The following PARD3B variants were observed in gnomAD, a reference collection of about 807,000 sequenced individuals.
PARD3B encodes the protein par-3 family cell polarity regulator beta, also known as partitioning defective 3 homolog B.
PARD3B carries 103 observed loss-of-function variants against 130.2 expected under a neutral mutation model. That is an observed-to-expected ratio of 0.79 (90% CI 0.67 to 0.93). PARD3B has a LOEUF of 0.93. Among genes scored for constraint, PARD3B ranks in the 40% least tolerant of loss-of-function variants. PARD3B has a pLI of 0.00. For missense variants in PARD3B, 1,609 were observed against 1,499.2 expected (o/e 1.07, Z -1.21); for synonymous variants, 583 against 553.2 (o/e 1.05, Z -0.76).
Position 205,133,226 on chromosome 2 carries a change from T to C in PARD3B, c.1434+7489T>C, listed in dbSNP as rs1049674937. Among the ~76,000 whole-genome samples the C allele has an allele frequency of 3.3e-5, 5 of 152,198 alleles. No individual in the cohort carries two copies. In the South Asian group the frequency reaches 6.2e-4, roughly 19 times the overall value. ...ACAATCTAGTTGTACAGTTTACTTGTAAAGACATATGAGAGCCATAAGTAT... is the reference window on the plus strand; with the variant it reads ...ACAATCTAGTTGTACAGTTTACTTGCAAAGACATATGAGAGCCATAAGTAT... On this transcript the variant is annotated intron_variant, in intron 10 of 22. Transcript: ENST00000406610.
intron 1 of PARD3B, among the ~76,000 whole-genome samples, chr2:204,663,466 T>C (rs1214590240): frequency 6.6e-6 from 1 of 152,244 alleles, no homozygotes; most frequent in African/African-American, 2.4e-5. Context: ...TCATACCTAT[T>C]GTACTGATTT....
rs1416668581 is a variant in PARD3B at position 205,402,836 on chromosome 2, T to C, written c.2741+1713T>C. ...TAAAACACATCTGATAGGGGTTTCC[T>C]AGAGACAACATTGTCTCAATCATGT... On this transcript the variant is annotated intron_variant, in intron 19 of 22. Coordinates refer to ENST00000406610, the MANE Select transcript of PARD3B (RefSeq NM_001302769.2). 3.3e-5 allele frequency among the ~76,000 whole-genome samples: 5 copies of C among 152,234 alleles called. No homozygotes were observed. In the South Asian group the frequency reaches 6.2e-4, roughly 19 times the overall value.
intron 22 of PARD3B, among the ~76,000 whole-genome samples, chr2:205,588,311 G>A (rs1559246193): frequency 6.6e-6 from 1 of 152,122 alleles, no homozygotes; most frequent in Non-Finnish European, 1.5e-5. Flanking sequence ...AATCATGATT[G>A]AGATGACATG....
rs73982517 is a variant in PARD3B at position 204,786,919 on chromosome 2, G to T, written c.222+100637G>T. Among the ~76,000 whole-genome samples the T allele has an allele frequency of 9.8e-3, 1,483 of 151,826 alleles. 26 individuals are homozygous for T. Among genetic ancestry groups the T allele is most frequent in the African/African-American group, 0.034 (1,413 of 41,376 alleles). On this transcript the variant is annotated intron_variant, in intron 2 of 22. Transcript: ENST00000406610. ...TAAAACTAAAAAGCATTTGCCAGTCGTACACTCTGGAATAATCGTGACTTA... is the reference window on the plus strand; with the variant it reads ...TAAAACTAAAAAGCATTTGCCAGTCTTACACTCTGGAATAATCGTGACTTA...
chr2:205,136,017 C>T (rs1481045047), intron 10 of PARD3B, among the ~76,000 whole-genome samples: 1 of 151,986 alleles, frequency 6.6e-6, no homozygotes, highest in Non-Finnish European at 1.5e-5. Flanking sequence ...AAAATCTGTC[C>T]CGGATGGCAG....
At chr2:205,327,269 A>AAGAT (rs1430887938) in intron 18 of PARD3B, among the ~76,000 whole-genome samples, 2 of 152,184 alleles carry the variant, frequency 1.3e-5, no homozygotes, top group Non-Finnish European at 2.9e-5. Context: ...CACCTTTATG[A>AAGAT]AGATATGGCT....
intron 2 of PARD3B, among the ~76,000 whole-genome samples, chr2:204,836,203 A>C (rs909264825): frequency 6.6e-6 from 1 of 152,198 alleles, no homozygotes; most frequent in Non-Finnish European, 1.5e-5. Flanking sequence ...TGCATTTATC[A>C]AGGGAGATAT....
intron 2 of PARD3B, among the ~76,000 whole-genome samples, chr2:204,807,200 T>C (rs1287029217): frequency 2.6e-5 from 4 of 152,120 alleles, no homozygotes; most frequent in Non-Finnish European, 4.4e-5. Flanking sequence ...TCCTGTGACA[T>C]GTGGGGATTA....
intron 3 of PARD3B, among the ~76,000 whole-genome samples, chr2:204,977,026 C>G (rs1692234698): frequency 6.6e-6 from 1 of 152,118 alleles, no homozygotes; most frequent in African/African-American, 2.4e-5. Flanking sequence ...TGTCTTATGC[C>G]TTCTCCTAAA....
rs530623542 is a variant in PARD3B at position 204,906,383 on chromosome 2, C to A, written c.223-58769C>A. ...AGTTAGAATGCTAAAGCCCATTTTC[C>A]CCCTTTGTTTTCTCTTTTCATTGGT... On this transcript the variant is annotated intron_variant, in intron 2 of 22. Coordinates refer to ENST00000406610, the MANE Select transcript of PARD3B (RefSeq NM_001302769.2). The surrounding 1 kb of genome is among the most constrained non-coding windows in gnomAD (Gnocchi z 4.3). Among the ~76,000 whole-genome samples, 4 of 152,092 alleles carry A rather than the reference C, an allele frequency of 2.6e-5. No homozygotes were observed. The highest frequency in any genetic ancestry group is 4.4e-5 in the Non-Finnish European group (3 of 67,962).
chr2:204,994,815 A>G (rs1490219443), intron 3 of PARD3B, among the ~76,000 whole-genome samples: 1 of 149,772 alleles, frequency 6.7e-6, no homozygotes, highest in Non-Finnish European at 1.5e-5. Flanking sequence ...TGTTGAATTG[A>G]TCCCTTTACC....
At chr2:204,811,467 A>G (rs2042959606) in intron 2 of PARD3B, among the ~76,000 whole-genome samples, 1 of 152,194 alleles carries the variant, frequency 6.6e-6, no homozygotes, top group South Asian at 2.1e-4. Flanking sequence ...AGTGAAAGAC[A>G]TAGAAGTTGA....
chr2:204,665,110 GT>G (rs529224250), intron 1 of PARD3B, among the ~76,000 whole-genome samples: 143 of 139,668 alleles, frequency 1.0e-3, no homozygotes, highest in African/African-American at 2.3e-3. Context: ...TCTTGTTTTT[GT>G]TTTTTTTTTT....
intron 13 of PARD3B, among the ~76,000 whole-genome samples, chr2:205,178,224 G>C (rs1309042137): frequency 6.9e-6 from 1 of 144,500 alleles, no homozygotes; most frequent in Non-Finnish European, 1.5e-5. Flanking sequence ...GCTACTATGG[G>C]GGGGGAAAAA....
chr2:205,495,934 TG>T (rs948261410), intron 20 of PARD3B, among the ~76,000 whole-genome samples: 1 of 114,654 alleles, frequency 8.7e-6, no homozygotes, highest in Non-Finnish European at 1.9e-5. Context: ...AATAAACTCA[TG>T]TACAATTCCT....
intron 2 of PARD3B, among the ~76,000 whole-genome samples, chr2:204,827,584 A>T (rs1447691579): frequency 6.6e-6 from 1 of 152,226 alleles, no homozygotes; most frequent in Non-Finnish European, 1.5e-5. Flanking sequence ...TTAGGATAAC[A>T]AAACTAAATT....
chr2:205,283,875 A>G (rs912538559), intron 16 of PARD3B, among the ~76,000 whole-genome samples: 1 of 152,148 alleles, frequency 6.6e-6, no homozygotes, highest in African/African-American at 2.4e-5. Context: ...CTTTCCACCC[A>G]GAGCAGCTGG....
At chr2:204,789,795 A>G (rs1341891740) in intron 2 of PARD3B, among the ~76,000 whole-genome samples, 2 of 152,038 alleles carry the variant, frequency 1.3e-5, no homozygotes, top group Non-Finnish European at 2.9e-5. Flanking sequence ...CCTTGTCTAC[A>G]TACCAAGAAC....
At chr2:204,691,315 G>T (rs747626699) in intron 2 of PARD3B, among the ~76,000 whole-genome samples, 1 of 152,000 alleles carries the variant, frequency 6.6e-6, no homozygotes, top group Non-Finnish European at 1.5e-5. Flanking sequence ...TTCATTAACT[G>T]TACAAAAGTA....
Sources: allele counts gnomAD v4.1 joint callset (sites outside exome capture counted in the v4.1 genomes callset), GRCh38; gene constraint gnomAD v4.1.1; non-coding constraint Gnocchi (gnomAD v3.1); transcripts MANE v1.5; gene names NCBI Gene and HGNC (gene_info 2026-07-23, HGNC 2026-07-21).